TSC2: variants seen among roughly 807,000 people sequenced by gnomAD.
The protein encoded by TSC2 is TSC complex subunit 2.
Under a neutral mutation model 202.2 loss-of-function variants are expected in TSC2, and 29 were observed. That is an observed-to-expected ratio of 0.14 (90% CI 0.11 to 0.20). The LOEUF (loss-of-function observed/expected upper bound fraction) is 0.20, where lower values mean the gene tolerates loss of function less well. Ranked by LOEUF, TSC2 falls within the 10% of genes least tolerant of loss-of-function variation. The pLI is 1.00. For synonymous variants in TSC2, 1,349 were observed against 1,044.0 expected, an observed-to-expected ratio of 1.29 and a Z score of -5.63; for missense variants, 2,429 against 2,420.0, an observed-to-expected ratio of 1.00 and a Z score of -0.08.
intron 17 of TSC2, 36 bp from the exon 18 acceptor site, chr16:2,071,474 G>A (rs1389587191): frequency 3.1e-6 from 5 of 1,611,410 alleles, no homozygotes; most frequent in South Asian, 1.1e-5. Flanking sequence ...GCCTGCACGA[G>A]CTTGGCTCTG....
intron 9 of TSC2, 42 bp downstream of exon 9, chr16:2,057,220 C>T: frequency 6.5e-7 from 1 of 1,549,992 alleles, no homozygotes; most frequent in Non-Finnish European, 8.7e-7. Flanking sequence ...GAGGCCAGCA[C>T]AGCCCTCGGG....
intron 3 of TSC2, among the ~76,000 whole-genome samples, chr16:2,051,937 C>T (rs771305589): frequency 6.6e-6 from 1 of 152,062 alleles, no homozygotes; most frequent in Non-Finnish European, 1.5e-5. Context: ...TGGTGTCGGG[C>T]ACCTGTAATC....
At chr16:2,052,304 G>A (rs953031349) in intron 3 of TSC2, among the ~76,000 whole-genome samples, 3 of 150,768 alleles carry the variant, frequency 2.0e-5, no homozygotes, top group Non-Finnish European at 4.4e-5. Context: ...AAAAGAACAC[G>A]GCCATTTTGT....
At chr16:2,053,315 C>T in intron 3 of TSC2, 27 bp from the exon 4 acceptor site, 1 of 1,554,438 alleles carries the variant, frequency 6.4e-7, no homozygotes, top group Non-Finnish European at 8.7e-7. Context: ...AGCACATCCT[C>T]ACCGCTGTCC....
chr16:2,083,423 G>A, intron 32 of TSC2: 6 of 589,704 alleles, frequency 1.0e-5, no homozygotes, highest in South Asian at 9.2e-5. Flanking sequence ...TGGAGGCACA[G>A]GGGTGGCTGC....
intron 22 of TSC2, 40 bp from the exon 23 acceptor site, chr16:2,075,759 G>C: frequency 1.2e-6 from 2 of 1,604,902 alleles, no homozygotes; most frequent in Non-Finnish European, 1.7e-6. Flanking sequence ...GGCGCTGCAC[G>C]GGACCCCGGC....
At position 2,082,441 on chromosome 16, in the gene TSC2, T is replaced by C. The variant is rs534533805; in HGVS notation, c.3820T>C (p.Ser1274Pro). 1 of 1,612,584 alleles carries C rather than the reference T, an allele frequency of 6.2e-7. No individual in the cohort carries two copies. Among genetic ancestry groups the C allele is most frequent in the East Asian group, 2.2e-5 (1 of 44,872 alleles). The stretch of plus-strand genomic sequence containing the variant: ...CACACGGCCTTCCCTTGCAGTGGCC[T>C]CTTTCTCCTCCCTGTACCAGTCCAG... ...PPLPRSNTVASFSSLYQSSCQ... is the reference protein window; with the variant it reads ...PPLPRSNTVAPFSSLYQSSCQ... The change falls in exon 32 of 42, where the codon TCT becomes CCT. Residue 1274 changes from serine to proline, a missense_variant. Transcript: ENST00000219476.
At chr16:2,053,728 T>C (rs2085413058) in intron 4 of TSC2, 2 of 604,674 alleles carry the variant, frequency 3.3e-6, no homozygotes, top group African/African-American at 1.8e-5. Context: ...CGCAGAGTGC[T>C]GAGATCGTAC....
intron 38 of TSC2, 65 bp downstream of exon 38, chr16:2,086,936 G>T (rs1204108067): frequency 1.3e-6 from 2 of 1,546,854 alleles, no homozygotes; most frequent in Non-Finnish European, 1.7e-6. Context: ...TCCCGGGTTG[G>T]TGGCAGGTCC....
chr16:2,084,814 C>T (rs1230988640), intron 34 of TSC2, 99 bp downstream of exon 34: 17 of 1,598,928 alleles, frequency 1.1e-5, no homozygotes, highest in Non-Finnish European at 1.4e-5. Context: ...GGGGTCCTCG[C>T]CTGTGCCCTA....
rs765690196 is a variant in TSC2, at chr16:2,087,969, A to G, written c.5068+28A>G. 5.0e-6 allele frequency: 8 copies of G among 1,605,086 alleles called. No individual in the cohort carries two copies. In the African/African-American group the frequency reaches 5.4e-5, roughly 11 times the overall value. ...AGGGCCGGGTGGGGCCCTGCAGTGC[A>G]GGAAAGGTAGGGCCGGGTGGGGCCC... On this transcript the variant is annotated intron_variant, in intron 39 of 41. Coordinates refer to ENST00000219476, the MANE Select transcript of TSC2 (RefSeq NM_000548.5).
At chr16:2,057,976 C>T (rs1357290892) in intron 9 of TSC2, among the ~76,000 whole-genome samples, 2 of 73,372 alleles carry the variant, frequency 2.7e-5, no homozygotes, top group East Asian at 9.4e-4. Flanking sequence ...AGCCCTGCCT[C>T]GGCCCCTGCA....
Position 2,088,095 on chromosome 16 carries a change from C to T in TSC2, c.5116C>T (p.Arg1706Cys), listed in dbSNP as rs45517391. 4.0e-4 allele frequency: 642 copies of T among 1,612,878 alleles called. 1 individual carries two copies. Among genetic ancestry groups the T allele is most frequent in the Non-Finnish European group, 4.8e-4 (570 of 1,180,006 alleles). Residue 1706 changes from arginine (R) to cysteine (C), a missense_variant, in exon 40 of 42, where the codon CGC becomes TGC. Transcript: ENST00000219476. ...CAGCGTGGCCAAGATCGTGTCTGAC[C>T]GCAACCTGCCCTTCGTGGCCCGCCA... ...DTSVAKIVSD[R>C]NLPFVARQMA...
intron 9 of TSC2, 137 bp downstream of exon 9, chr16:2,057,315 A>C: frequency 1.0e-6 from 1 of 1,003,282 alleles, no homozygotes; most frequent in South Asian, 1.4e-5. Context: ...CTGCCACTAG[A>C]GCGAGGCCCA....
At chr16:2,084,822 C>T in intron 34 of TSC2, 107 bp downstream of exon 34, 2 of 1,599,006 alleles carry the variant, frequency 1.3e-6, no homozygotes, top group Non-Finnish European at 1.7e-6. Flanking sequence ...CGCCTGTGCC[C>T]TAGGGCTGGC....
At position 2,065,506 on chromosome 16, in the gene TSC2, C is replaced by G. The variant is rs1800712; in HGVS notation, c.1600-13C>G. ...CATGAGCCTGTGTGTAAGTCCTGGC[C>G]TTCTCTTCAAAGGTGATGGCCCGCT... On this transcript the variant is annotated splice_polypyrimidine_tract_variant and intron_variant, in intron 15 of 41. Coordinates refer to ENST00000219476, the MANE Select transcript of TSC2 (RefSeq NM_000548.5). 1 of 1,610,334 alleles carries G rather than the reference C, an allele frequency of 6.2e-7. No homozygotes were observed. Among genetic ancestry groups the G allele is most frequent in the South Asian group, 1.1e-5 (1 of 91,018 alleles).
At position 2,089,312 on chromosome 16, in the gene TSC2, G is replaced by A; in HGVS notation, c.*702G>A. On this transcript the variant is annotated 3_prime_UTR_variant, in exon 42 of 42. Coordinates refer to ENST00000219476, the MANE Select transcript of TSC2 (RefSeq NM_000548.5). ...CGAGACACACAGTGAGACGGTGCAG[G>A]GAGTACGGTAGGAACTGGAGAGGTA... is the stretch of plus-strand genomic sequence containing the variant. The A allele has an allele frequency of 3.7e-6, 1 of 267,046 alleles. No individual in the cohort carries two copies. Among genetic ancestry groups the A allele is most frequent in the South Asian group, 6.7e-5 (1 of 15,030 alleles). 16.5% of individuals were successfully genotyped at this position (267,046 alleles called of 1,614,324 possible). A position where few individuals can be genotyped will look rare whatever the true frequency, so the allele number is the denominator to read the frequency against.
chr16:2,084,456 C>T lies in TSC2; in HGVS notation c.4234C>T (p.Pro1412Ser), dbSNP rs1480313663. ...GDKADVGRLS[P>S]EVKARSQSGT... is the part of the protein sequence containing the mutation. Reference sequence around the variant, plus strand: ...CAAGGCCGACGTGGGCCGGCTGAGCCCTGAGGTTAAGGCCCGGTCACAGTC... The same window carrying T: ...CAAGGCCGACGTGGGCCGGCTGAGCTCTGAGGTTAAGGCCCGGTCACAGTC... Residue 1412 changes from proline to serine, a missense_variant, in exon 34 of 42, where the codon CCT becomes TCT. Physicochemically the swap from Pro to Ser is moderately conservative, Grantham distance 74. Coordinates refer to ENST00000219476, the MANE Select transcript of TSC2 (RefSeq NM_000548.5). 3 of 1,609,466 alleles carry T rather than the reference C, an allele frequency of 1.9e-6. No individual in the cohort carries two copies. Among genetic ancestry groups the T allele is most frequent in the Non-Finnish European group, 2.5e-6 (3 of 1,178,700 alleles).
Position 2,080,902 on chromosome 16 carries a change from C to T in TSC2, c.3610+525C>T, listed in dbSNP as rs13331083. On this transcript the variant is annotated intron_variant, in intron 30 of 41. Coordinates refer to ENST00000219476, the MANE Select transcript of TSC2 (RefSeq NM_000548.5). ...TTCCATGGCAGAGAGTTGCCCTCCC[C>T]GCCTGGAGGCTGCAAGTCCGAGACC... The T allele has an allele frequency of 1.5e-3, 249 of 169,322 alleles. 1 individual carries two copies. The highest frequency in any genetic ancestry group is 5.6e-3 in the African/African-American group (235 of 41,750). 10.5% of individuals were successfully genotyped at this position (169,322 alleles called of 1,614,324 possible).
Sources: allele counts gnomAD v4.1 joint callset (sites outside exome capture counted in the v4.1 genomes callset), GRCh38; gene constraint gnomAD v4.1.1; transcripts MANE v1.5; gene names NCBI Gene and HGNC (gene_info 2026-07-23, HGNC 2026-07-21).